The following MAGI1 variants were observed in gnomAD, a reference collection of about 807,000 sequenced individuals.
MAGI1 encodes the protein membrane associated guanylate kinase, WW and PDZ domain containing 1.
MAGI1 carries 58 observed loss-of-function variants against 139.9 expected under a neutral mutation model. That is an observed-to-expected ratio of 0.41 (90% CI 0.34 to 0.52). MAGI1 has a LOEUF of 0.52. MAGI1 is among the 20% of genes least tolerant of loss of function. The pLI, the probability that MAGI1 is intolerant of heterozygous loss-of-function variation, is 0.12. For missense variants in MAGI1, 1,874 were observed against 1,901.6 expected (o/e 0.99, Z 0.27); for synonymous variants, 812 against 737.9 (o/e 1.10, Z -1.63).
At chr3:65,567,032 T>C (rs1420266728) in intron 2 of MAGI1, among the ~76,000 whole-genome samples, 1 of 146,404 alleles carries the variant, frequency 6.8e-6, no homozygotes, top group Non-Finnish European at 1.5e-5. Flanking sequence ...GGGAGCTGAC[T>C]TGTAAAAAGT....
chr3:65,576,568 C>T (rs1014973353), intron 2 of MAGI1, among the ~76,000 whole-genome samples: 1 of 152,114 alleles, frequency 6.6e-6, no homozygotes, highest in Non-Finnish European at 1.5e-5. Context: ...CATCTTTTTG[C>T]CAGGCTGTCT....
chr3:65,879,981 T>C (rs2108521311), intron 1 of MAGI1, among the ~76,000 whole-genome samples: 1 of 152,294 alleles, frequency 6.6e-6, no homozygotes, highest in South Asian at 2.1e-4. Flanking sequence ...GATTAAAAAG[T>C]TGGGCTCAGT....
At chr3:65,398,042 T>C (rs938951463) in intron 13 of MAGI1, among the ~76,000 whole-genome samples, 1 of 152,082 alleles carries the variant, frequency 6.6e-6, no homozygotes, top group African/African-American at 2.4e-5. Context: ...GAGCAATCAA[T>C]ACACGGTTTG....
At chr3:65,914,937 G>C (rs2061831137) in intron 1 of MAGI1, among the ~76,000 whole-genome samples, 1 of 152,184 alleles carries the variant, frequency 6.6e-6, no homozygotes. Flanking sequence ...AGTAGTGAAA[G>C]TTACACAGGA....
chr3:65,687,146 C>G (rs1443664847), intron 1 of MAGI1, among the ~76,000 whole-genome samples: 1 of 152,142 alleles, frequency 6.6e-6, no homozygotes, highest in Middle Eastern at 3.2e-3. Flanking sequence ...GAAATCCAAG[C>G]TATCTTGAGA....
intron 1 of MAGI1, among the ~76,000 whole-genome samples, chr3:65,974,351 G>GTGGA (rs1401247905): frequency 2.2e-5 from 3 of 136,454 alleles, no homozygotes; most frequent in African/African-American, 8.3e-5. Flanking sequence ...GGAGGGAGGA[G>GTGGA]TGGATGGATG....
chr3:65,356,577 T>C lies in MAGI1; in HGVS notation c.4190A>G (p.Lys1397Arg), dbSNP rs762533994. ...GCGTGCGCGCCTCCGGTCGGTGGACTTGGCCCTGCGCTCGGGCGAGCCCCC... is the reference window on the plus strand; with the variant it reads ...GCGTGCGCGCCTCCGGTCGGTGGACCTGGCCCTGCGCTCGGGCGAGCCCCC... ...RRGGSPERRA[K>R]STDRRRARSP... The change falls in exon 23 of 23, where the codon AAG (lysine) becomes AGG (arginine). Residue 1397 changes from lysine to arginine, a missense_variant. By Grantham distance (26) the Lys-to-Arg change is conservative (BLOSUM62 2). Transcript: ENST00000402939. 4 of 1,605,902 alleles carry C rather than the reference T, an allele frequency of 2.5e-6. No individual in the cohort carries two copies. The highest frequency in any genetic ancestry group is 2.5e-6 in the Non-Finnish European group (3 of 1,178,228).
chr3:65,579,300 A>C (rs946482445), intron 2 of MAGI1, among the ~76,000 whole-genome samples: 3 of 152,016 alleles, frequency 2.0e-5, no homozygotes, highest in Non-Finnish European at 4.4e-5. Flanking sequence ...TCTGCCAAAA[A>C]ACTAGGATGC....
At chr3:65,813,094 C>T (rs2041381473) in intron 1 of MAGI1, among the ~76,000 whole-genome samples, 1 of 151,656 alleles carries the variant, frequency 6.6e-6, no homozygotes, top group South Asian at 2.1e-4. Flanking sequence ...ACAGTCACAA[C>T]AGCATTCAAG....
chr3:65,620,212 C>G (rs1282822864), intron 2 of MAGI1, among the ~76,000 whole-genome samples: 2 of 152,164 alleles, frequency 1.3e-5, no homozygotes, highest in Non-Finnish European at 2.9e-5. Flanking sequence ...AGAGAACAAT[C>G]ATGATTCTGC....
At chr3:65,686,129 G>T (rs576669749) in intron 1 of MAGI1, among the ~76,000 whole-genome samples, 12 of 152,194 alleles carry the variant, frequency 7.9e-5, no homozygotes, top group African/African-American at 2.9e-4. Context: ...ATTTTCTTTG[G>T]CCCCTGGCTC....
At chr3:65,746,608 A>G (rs1406830214) in intron 1 of MAGI1, among the ~76,000 whole-genome samples, 2 of 152,136 alleles carry the variant, frequency 1.3e-5, no homozygotes, top group Non-Finnish European at 2.9e-5. Context: ...CTTCTTGGGT[A>G]TCTATCCATT....
rs201168695 is a variant in MAGI1 at position 65,366,361 on chromosome 3, T to TAAG, written c.3197-1418_3197-1416dup. Among the ~76,000 whole-genome samples, 777 of 152,202 alleles carry TAAG rather than the reference T, an allele frequency of 5.1e-3. 6 individuals carry two copies. Among genetic ancestry groups the TAAG allele is most frequent in the African/African-American group, 0.018 (747 of 41,518 alleles). On this transcript the variant is annotated intron_variant, in intron 18 of 22. Transcript: ENST00000402939. The stretch of plus-strand genomic sequence containing the variant: ...TATTCTTCTAGCTAAGGCACAAGAG[T>TAAG]AAGAAGAAAATAACTAAATCAAGTG...
At chr3:65,935,623 A>C (rs547812333) in intron 1 of MAGI1, among the ~76,000 whole-genome samples, 2 of 152,018 alleles carry the variant, frequency 1.3e-5, no homozygotes, top group South Asian at 4.2e-4. Flanking sequence ...TTCTGTCTCA[A>C]AGAAAAAAGA....
intron 1 of MAGI1, among the ~76,000 whole-genome samples, chr3:65,999,640 T>G (rs1486148213): frequency 6.6e-6 from 1 of 152,168 alleles, no homozygotes; most frequent in East Asian, 1.9e-4. Context: ...TTTCTACACA[T>G]GGTATTAATG....
chr3:65,630,838 C>T (rs867634711), intron 1 of MAGI1, among the ~76,000 whole-genome samples: 10 of 152,296 alleles, frequency 6.6e-5, no homozygotes, highest in Admixed American at 2.6e-4. Flanking sequence ...CAAAAGCCAC[C>T]TGTACCCCAA....
intron 1 of MAGI1, among the ~76,000 whole-genome samples, chr3:65,775,502 CAAAAAAAAAAAAAAA>C (rs9311958): frequency 1.1e-4 from 4 of 36,594 alleles, no homozygotes; most frequent in South Asian, 1.8e-3. Flanking sequence ...CCCACTCTGC[CAAAAAAAAAAAAAAA>C]AAAAAAAAAA....
At chr3:65,741,110 GAC>G (rs1386265919) in intron 1 of MAGI1, among the ~76,000 whole-genome samples, 1 of 151,700 alleles carries the variant, frequency 6.6e-6, no homozygotes, top group Non-Finnish European at 1.5e-5. Context: ...CTATGGTTAT[GAC>G]CAGAGAGAAC....
intron 1 of MAGI1, among the ~76,000 whole-genome samples, chr3:65,775,435 T>C (rs953201036): frequency 2.4e-5 from 3 of 127,254 alleles, no homozygotes; most frequent in Non-Finnish European, 4.7e-5. Flanking sequence ...GGCAACAGAG[T>C]GAGACCTTCT....
Sources: gnomAD v4.1 joint callset for allele counts (sites outside exome capture counted in the v4.1 genomes callset) on GRCh38, gnomAD v4.1.1 for gene constraint, MANE v1.5 for transcripts, NCBI Gene and HGNC (gene_info 2026-07-23, HGNC 2026-07-21) for gene names.